FAM228B: variants seen among roughly 807,000 people sequenced by gnomAD.
The protein encoded by FAM228B is protein FAM228B.
Under a neutral mutation model 42.6 loss-of-function variants are expected in FAM228B, and 38 were observed. The observed-to-expected ratio is 0.89, with a 90% CI of 0.69 to 1.17. FAM228B has a LOEUF of 1.17. FAM228B is among the 50% of genes most tolerant of loss of function. The pLI, the probability that FAM228B is intolerant of heterozygous loss-of-function variation, is 0.00. For synonymous variants in FAM228B, 109 were observed against 122.3 expected (o/e 0.89, Z 0.72); for missense variants, 344 against 367.3 (o/e 0.94, Z 0.52).
intron 7 of FAM228B, among the ~76,000 whole-genome samples, chr2:24,153,488 C>G (rs373159959): frequency 6.6e-6 from 1 of 152,180 alleles, no homozygotes; most frequent in African/African-American, 2.4e-5. Context: ...AAATGTCGTC[C>G]CAAAGCTAGG....
rs181469577 is a variant in FAM228B, at chr2:24,139,947, T to C, written c.441+497T>C. 3.3e-3 allele frequency among the ~76,000 whole-genome samples: 505 copies of C among 152,346 alleles called. 4 individuals are homozygous for C. Among genetic ancestry groups the C allele is most frequent in the Admixed American group, 7.6e-3 (116 of 15,304 alleles). Reference sequence around the variant, plus strand: ...CCTCCCTCAATAGTTTATTATTTGCTTCTTTCTCAAAATATAAGTATATAA... The same window carrying C: ...CCTCCCTCAATAGTTTATTATTTGCCTCTTTCTCAAAATATAAGTATATAA... On this transcript the variant is annotated intron_variant, in intron 5 of 10. Transcript: ENST00000615575.
At chr2:24,098,165 C>A (rs546706325) in intron 3 of FAM228B, among the ~76,000 whole-genome samples, 1 of 152,206 alleles carries the variant, frequency 6.6e-6, no homozygotes, top group Admixed American at 6.5e-5. Flanking sequence ...GCACTAAACA[C>A]CCACAAGAGA....
intron 3 of FAM228B, chr2:24,096,715 A>T (rs1057308152): frequency 6.6e-6 from 1 of 152,220 alleles, no homozygotes; most frequent in Non-Finnish European, 1.5e-5. Flanking sequence ...ACTCTTCAGG[A>T]TATTATCCAG....
chr2:24,141,638 A>G (rs894776108), intron 5 of FAM228B, among the ~76,000 whole-genome samples: 1 of 152,072 alleles, frequency 6.6e-6, no homozygotes, highest in African/African-American at 2.4e-5. Context: ...TTGGCCTCCC[A>G]AAGTGCTGGG....
chr2:24,108,500 AAAAAG>A (rs1329536739), intron 3 of FAM228B, among the ~76,000 whole-genome samples: 1 of 151,754 alleles, frequency 6.6e-6, no homozygotes, highest in African/African-American at 2.4e-5. Context: ...CAACAAAAAT[AAAAAG>A]AAAAGAAAAA....
At chr2:24,128,259 T>C (rs1010561137) in intron 2 of FAM228B, among the ~76,000 whole-genome samples, 3 of 151,972 alleles carry the variant, frequency 2.0e-5, no homozygotes, top group East Asian at 1.9e-4. Flanking sequence ...TTTGTTGCTG[T>C]TGTTGTTGTT....
At chr2:24,124,494 T>G in intron 2 of FAM228B, 34 bp downstream of exon 2, 1 of 1,399,062 alleles carries the variant, frequency 7.1e-7, no homozygotes, top group Non-Finnish European at 9.7e-7. Flanking sequence ...TTGGAGATTT[T>G]TTTACTTGGA....
chr2:24,089,916 G>A (rs1665346753), intron 2 of FAM228B, among the ~76,000 whole-genome samples: 1 of 145,866 alleles, frequency 6.9e-6, no homozygotes, highest in Non-Finnish European at 1.5e-5. Flanking sequence ...GTGGTGAGCC[G>A]AGATTGTGCC....
At chr2:24,132,646 G>C (rs922290211) in intron 2 of FAM228B, among the ~76,000 whole-genome samples, 1 of 151,368 alleles carries the variant, frequency 6.6e-6, no homozygotes, top group Non-Finnish European at 1.5e-5. Context: ...TTCAGAGTTG[G>C]TCTCCATTGA....
At chr2:24,125,159 T>G (rs959915193) in intron 2 of FAM228B, among the ~76,000 whole-genome samples, 2 of 152,174 alleles carry the variant, frequency 1.3e-5, no homozygotes, top group Non-Finnish European at 2.9e-5. Context: ...GGAGGGTCGC[T>G]TGAGCCCAGG....
chr2:24,108,237 C>A (rs1665730431), intron 3 of FAM228B, among the ~76,000 whole-genome samples: 1 of 152,092 alleles, frequency 6.6e-6, no homozygotes, highest in African/African-American at 2.4e-5. Context: ...AACTGAATCC[C>A]TGAACAGACC....
chr2:24,077,952 G>A lies in FAM228B; in HGVS notation c.-290+983G>A, dbSNP rs1294577455. 1.3e-5 allele frequency among the ~76,000 whole-genome samples: 2 copies of A among 152,170 alleles called. No homozygotes were observed. The highest frequency in any genetic ancestry group is 2.9e-5 in the Non-Finnish European group (2 of 68,030). ...TCATGTGCCATCTCAGAATATGTCC[G>A]ATAGGTATATTGTTAATTTTGAGGT... On this transcript the variant is annotated intron_variant, in intron 1 of 10. Coordinates refer to the FAM228B transcript ENST00000613899. The surrounding 1 kb of genome is among the most constrained non-coding windows in gnomAD (Gnocchi z 5.5).
intron 2 of FAM228B, 97 bp downstream of exon 2, chr2:24,124,557 G>T: frequency 7.3e-6 from 5 of 682,700 alleles, no homozygotes; most frequent in East Asian, 2.9e-5. Flanking sequence ...TCTATTGTTT[G>T]TTTTTATTTC....
At chr2:24,079,881 C>G (rs1292394758) in intron 1 of FAM228B, among the ~76,000 whole-genome samples, 1 of 152,162 alleles carries the variant, frequency 6.6e-6, no homozygotes, top group East Asian at 1.9e-4. Context: ...GGCACCATGA[C>G]CTAGCGTCTC....
intron 7 of FAM228B, among the ~76,000 whole-genome samples, chr2:24,150,778 A>C (rs1044033167): frequency 6.6e-6 from 1 of 152,190 alleles, no homozygotes; most frequent in South Asian, 2.1e-4. Flanking sequence ...TAAGGTTTCC[A>C]CTGAAAAGTC....
intron 5 of FAM228B, among the ~76,000 whole-genome samples, chr2:24,141,997 A>G (rs947703169): frequency 6.6e-6 from 1 of 152,096 alleles, no homozygotes; most frequent in African/African-American, 2.4e-5. Context: ...TTGGTAATCC[A>G]TGTCTTCAGA....
intron 7 of FAM228B, among the ~76,000 whole-genome samples, chr2:24,159,811 C>G (rs13030584): frequency 0.83 from 126,218 of 152,114 alleles, 54,204 homozygotes; most frequent in Non-Finnish European, 0.93. Context: ...AATTATTTCT[C>G]TTAATGTTTT....
chr2:24,115,603 G>C (rs781694010), intron 3 of FAM228B: 1 of 1,611,548 alleles, frequency 6.2e-7, no homozygotes, highest in Non-Finnish European at 8.5e-7. Flanking sequence ...TTTTTTCTTA[G>C]GTAGTCTCCT....
chr2:24,167,807 G>A (rs1667462802), intron 10 of FAM228B, 124 bp downstream of exon 10: 1 of 1,134,850 alleles, frequency 8.8e-7, no homozygotes, highest in Non-Finnish European at 1.2e-6. Context: ...TGGGTGGGTA[G>A]GAAAGTTCTT....
Sources: gnomAD v4.1 joint callset for allele counts (sites outside exome capture counted in the v4.1 genomes callset) on GRCh38, gnomAD v4.1.1 for gene constraint, Gnocchi (gnomAD v3.1) non-coding constraint, MANE v1.5 for transcripts, NCBI Gene and HGNC (gene_info 2026-07-23, HGNC 2026-07-21) for gene names.